Variants in LRRTM4 observed in about 807,000 individuals in gnomAD.
The protein encoded by LRRTM4 is leucine-rich repeat transmembrane neuronal protein 4.
In LRRTM4, 25 loss-of-function variants were observed where a neutral mutation model predicts 47.6. The ratio of observed to expected loss-of-function variants is 0.53; its 90% CI spans 0.38 to 0.73. LRRTM4 has a LOEUF of 0.73. LRRTM4 is among the 30% of genes least tolerant of loss of function. LRRTM4 has a pLI of 0.00. For missense variants in LRRTM4, 638 were observed against 713.4 expected (o/e 0.89, Z 1.20); for synonymous variants, 311 against 269.5 (o/e 1.15, Z -1.51).
At chr2:77,245,630 T>TG (rs1675425051) in intron 3 of LRRTM4, among the ~76,000 whole-genome samples, 5 of 151,842 alleles carry the variant, frequency 3.3e-5, no homozygotes, top group African/African-American at 1.2e-4. Flanking sequence ...ACACTTTTTT[T>TG]TTGTGATACC....
intron 3 of LRRTM4, among the ~76,000 whole-genome samples, chr2:77,258,606 C>T (rs1025058391): frequency 6.6e-6 from 1 of 151,008 alleles, no homozygotes; most frequent in African/African-American, 2.4e-5. Context: ...GAAAAAAAAA[C>T]AAAATAATTC....
intron 3 of LRRTM4, among the ~76,000 whole-genome samples, chr2:77,184,746 A>G (rs1673451683): frequency 6.6e-6 from 1 of 152,154 alleles, no homozygotes; most frequent in Non-Finnish European, 1.5e-5. Context: ...GTATCTCTTT[A>G]TATAAAAGTG....
chr2:76,840,266 G>C (rs1256629148), intron 3 of LRRTM4, among the ~76,000 whole-genome samples: 1 of 152,152 alleles, frequency 6.6e-6, no homozygotes, highest in Non-Finnish European at 1.5e-5. Context: ...CAATGAAAAT[G>C]CAAATAGGTT....
intron 3 of LRRTM4, among the ~76,000 whole-genome samples, chr2:77,262,181 A>G (rs1675935134): frequency 6.6e-6 from 1 of 152,070 alleles, no homozygotes; most frequent in Non-Finnish European, 1.5e-5. Flanking sequence ...CAGGGCTCCT[A>G]CTCATTCTAC....
At chr2:77,305,662 A>T (rs1020905651) in intron 3 of LRRTM4, among the ~76,000 whole-genome samples, 14 of 152,138 alleles carry the variant, frequency 9.2e-5, no homozygotes, top group Admixed American at 7.9e-4. Flanking sequence ...GAGCTCTTCA[A>T]ATCGTTGCTT....
intron 3 of LRRTM4, among the ~76,000 whole-genome samples, chr2:77,036,214 C>T (rs1421546557): frequency 1.3e-5 from 2 of 151,590 alleles, no homozygotes; most frequent in African/African-American, 4.8e-5. Flanking sequence ...GAAGGTAATA[C>T]TGTCATTATG....
chr2:77,288,322 C>T (rs561699821), intron 3 of LRRTM4, among the ~76,000 whole-genome samples: 51 of 150,990 alleles, frequency 3.4e-4, no homozygotes, highest in Middle Eastern at 3.4e-3. Flanking sequence ...AATACATAAC[C>T]GAATATTGCT....
intron 3 of LRRTM4, among the ~76,000 whole-genome samples, chr2:77,325,860 G>C (rs1203410559): frequency 6.6e-6 from 1 of 152,132 alleles, no homozygotes; most frequent in Non-Finnish European, 1.5e-5. Context: ...GTTTGCTTCT[G>C]AAGAGCTTCA....
chr2:77,302,953 A>T (rs776647372), intron 3 of LRRTM4, among the ~76,000 whole-genome samples: 3 of 152,170 alleles, frequency 2.0e-5, no homozygotes, highest in Non-Finnish European at 4.4e-5. Context: ...TTAGCAAAGT[A>T]GGTGGAAGCT....
chr2:77,208,120 C>T (rs1301284523), intron 3 of LRRTM4, among the ~76,000 whole-genome samples: 1 of 151,930 alleles, frequency 6.6e-6, no homozygotes, highest in African/African-American at 2.4e-5. Context: ...CTCAGGTGAT[C>T]CTCCCACCTT....
intron 3 of LRRTM4, among the ~76,000 whole-genome samples, chr2:76,807,252 A>C (rs1676014276): frequency 6.6e-6 from 1 of 151,650 alleles, no homozygotes; most frequent in African/African-American, 2.4e-5. Context: ...TTTCAACTGC[A>C]AGGACAAGTT....
intron 3 of LRRTM4, among the ~76,000 whole-genome samples, chr2:76,840,342 T>C (rs1189405245): frequency 6.6e-6 from 1 of 152,254 alleles, no homozygotes; most frequent in Non-Finnish European, 1.5e-5. Context: ...GGAGCTGTCT[T>C]CTACAAACCT....
intron 3 of LRRTM4, among the ~76,000 whole-genome samples, chr2:77,004,782 G>T (rs563293996): frequency 1.9e-4 from 29 of 152,270 alleles, no homozygotes; most frequent in Middle Eastern, 6.8e-3. Context: ...TCCTGCAACT[G>T]CACAGGAGCG....
At chr2:77,012,460 T>C (rs908879699) in intron 3 of LRRTM4, among the ~76,000 whole-genome samples, 1 of 152,116 alleles carries the variant, frequency 6.6e-6, no homozygotes, top group Non-Finnish European at 1.5e-5. Flanking sequence ...TTTCTTTAAC[T>C]CAAAACTAAA....
At chr2:77,183,760 C>G (rs966867002) in intron 3 of LRRTM4, among the ~76,000 whole-genome samples, 1 of 152,012 alleles carries the variant, frequency 6.6e-6, no homozygotes, top group Non-Finnish European at 1.5e-5. Context: ...CATAAAAAAG[C>G]AATGAGTTCA....
intron 3 of LRRTM4, among the ~76,000 whole-genome samples, chr2:77,219,569 C>G (rs1376254491): frequency 1.3e-5 from 2 of 152,176 alleles, no homozygotes; most frequent in Non-Finnish European, 2.9e-5. Flanking sequence ...TATTTCTCAT[C>G]TCTACAATCA....
Position 76,992,840 on chromosome 2 carries a change from A to AG in LRRTM4, c.1552-243925dup, listed in dbSNP as rs1553441642. Among the ~76,000 whole-genome samples the AG allele has an allele frequency of 1.5e-3, 225 of 146,416 alleles. 1 individual carries two copies. In the East Asian group the frequency reaches 0.022, roughly 15 times the overall value. The stretch of plus-strand genomic sequence containing the variant: ...AAGAAATCCTGAGGAAAAAAAAAAA[A>AG]GCTGGGTGTATCATATTACTTGACT... On this transcript the variant is annotated intron_variant, in intron 3 of 3. Coordinates refer to ENST00000409884, the MANE Select transcript of LRRTM4 (RefSeq NM_001134745.3).
chr2:77,152,926 G>A (rs900687844), intron 3 of LRRTM4, among the ~76,000 whole-genome samples: 2 of 152,008 alleles, frequency 1.3e-5, no homozygotes, highest in African/African-American at 4.8e-5. Context: ...AAATTCTTAA[G>A]ATTTTTTGCA....
chr2:77,087,818 A>G (rs1680774914), intron 3 of LRRTM4, among the ~76,000 whole-genome samples: 1 of 151,510 alleles, frequency 6.6e-6, no homozygotes, highest in African/African-American at 2.4e-5. Flanking sequence ...ATTATTTAAG[A>G]AGAGCTCTTT....
Sources: allele counts gnomAD v4.1 joint callset (sites outside exome capture counted in the v4.1 genomes callset), GRCh38; gene constraint gnomAD v4.1.1; transcripts MANE v1.5; gene names NCBI Gene and HGNC (gene_info 2026-07-23, HGNC 2026-07-21).